The following ATR variants were observed in gnomAD, a reference collection of about 807,000 sequenced individuals.
ATR encodes serine/threonine-protein kinase ATR.
In ATR, 142 loss-of-function variants were observed where a neutral mutation model predicts 305.3. The ratio of observed to expected loss-of-function variants is 0.47; its 90% confidence interval spans 0.41 to 0.53. The LOEUF is 0.53. Ranked by LOEUF, ATR falls within the 20% of genes least tolerant of loss-of-function variation. The pLI is 0.00. For missense variants in ATR, 2,135 were observed against 3,133.1 expected (o/e 0.68, Z 7.60); for synonymous variants, 1,050 against 1,068.1 (o/e 0.98, Z 0.33).
chr3:142,466,208 T>C lies in ATR; in HGVS notation c.6897+116A>G, dbSNP rs1359463330. Reference sequence around the variant, plus strand: ...TAGTTTTACTCTTCTGTATTTCCAATTATTTTTCTTCACAAATAAGATTCA... The same window carrying C: ...TAGTTTTACTCTTCTGTATTTCCAACTATTTTTCTTCACAAATAAGATTCA... On this transcript the variant is annotated intron_variant, in intron 40 of 46. Transcript: ENST00000350721. The C allele has an allele frequency of 3.3e-6, 4 of 1,205,650 alleles. No homozygotes were observed. The African/African-American group carries it at 6.1e-5, about 18-fold the overall frequency. 74.7% of individuals were successfully genotyped at this position (1,205,650 alleles called of 1,614,324 possible).
chr3:142,543,125 G>A (rs1024933438), intron 16 of ATR, among the ~76,000 whole-genome samples: 2 of 152,194 alleles, frequency 1.3e-5, no homozygotes, highest in East Asian at 3.9e-4. Context: ...AGAAAGACAA[G>A]GGACTGCCCT....
At chr3:142,536,246 A>C (rs556037914) in intron 19 of ATR, 45 bp from the exon 20 acceptor site, 10 of 1,350,372 alleles carry the variant, frequency 7.4e-6, no homozygotes, top group South Asian at 4.8e-5. Context: ...CAAGAATATG[A>C]ATACTAAAAA....
chr3:142,525,505 T>C (rs1466481276), intron 21 of ATR, among the ~76,000 whole-genome samples: 1 of 152,186 alleles, frequency 6.6e-6, no homozygotes, highest in Non-Finnish European at 1.5e-5. Context: ...GAAATCGTTA[T>C]AACATCAACC....
intron 6 of ATR, 21 bp downstream of exon 6, chr3:142,560,242 G>T (rs1381898037): frequency 6.2e-7 from 1 of 1,608,178 alleles, no homozygotes; most frequent in African/African-American, 1.3e-5. Context: ...CCAACCCCAA[G>T]AAACAAGAAG....
chr3:142,553,975 A>G lies in ATR; in HGVS notation c.2382T>C (p.Asp794=), dbSNP rs1428773406. 1 of 1,610,216 alleles carries G rather than the reference A, an allele frequency of 6.2e-7. No individual in the cohort carries two copies. Among genetic ancestry groups the G allele is most frequent in the Non-Finnish European group, 8.5e-7 (1 of 1,178,390 alleles). Residue 794 remains aspartate, a synonymous_variant, in exon 11 of 47, where the codon GAT becomes GAC. Coordinates refer to ENST00000350721, the MANE Select transcript of ATR (RefSeq NM_001184.4). The part of the protein sequence containing the change: ...DNLHHLCKHL[D]FREDETDVKA... ...TTACATCTGTTTCATCTTCTCTAAA[A>G]TCAAGATGCTTACAAAGATGATGTA...
Position 142,480,595 on chromosome 3 carries a change from G to C in ATR, c.6221+4545C>G, listed in dbSNP as rs147197711. 3.7e-4 allele frequency among the ~76,000 whole-genome samples: 56 copies of C among 152,316 alleles called. 1 individual carries two copies. The highest frequency in any genetic ancestry group is 1.1e-3 in the African/African-American group (47 of 41,582). On this transcript the variant is annotated intron_variant, in intron 36 of 46. Coordinates refer to ENST00000350721, the MANE Select transcript of ATR (RefSeq NM_001184.4). ...GATCTCAAACTCCGTGCTGGGAGAA[G>C]CACTACTCTCTTCAAAGCTGTCAGA...
At chr3:142,536,316 A>T (rs2033859974) in intron 19 of ATR, 115 bp from the exon 20 acceptor site, 1 of 738,180 alleles carries the variant, frequency 1.4e-6, no homozygotes. Flanking sequence ...GTGCTAGTTG[A>T]TTACTGAGCT....
intron 46 of ATR, chr3:142,451,726 T>G (rs1452055912): frequency 4.3e-6 from 5 of 1,166,464 alleles, no homozygotes; most frequent in East Asian, 5.9e-5. Context: ...ACTACAGGAG[T>G]GTGCCACTGA....
At chr3:142,573,037 A>G (rs2035325499) in intron 1 of ATR, among the ~76,000 whole-genome samples, 1 of 152,216 alleles carries the variant, frequency 6.6e-6, no homozygotes, top group Non-Finnish European at 1.5e-5. Context: ...AAGCTCTTAT[A>G]GGAGAGAAAA....
chr3:142,499,412 AG>A (rs2031829157), intron 31 of ATR, among the ~76,000 whole-genome samples: 2 of 151,446 alleles, frequency 1.3e-5, no homozygotes, highest in African/African-American at 4.9e-5. Flanking sequence ...CTCCTGCCTC[AG>A]CCTCCCGAGT....
In ATR at chr3:142,562,279, T is replaced by C; in HGVS notation, c.1123A>G (p.Ile375Val). The C allele has an allele frequency of 6.2e-7, 1 of 1,614,118 alleles. No homozygotes were observed. The highest frequency in any genetic ancestry group is 8.5e-7 in the Non-Finnish European group (1 of 1,179,982). Residue 375 changes from isoleucine (I) to valine (V), a missense_variant, in exon 4 of 47, where the codon ATT becomes GTT. Ile to Val is a conservative substitution (Grantham distance 29). Around this residue, in one of 9 missense-constraint regions of ATR, gnomAD observed 744 missense variants for 873.2 expected, o/e 0.85. Transcript: ENST00000350721. ...AGCACATCCAAAAGAGCTTTACAAA[T>C]ATTTCTCACATAGACCTTCCTGACT... ...LQVRKVYVRN[I>V]CKALLDVLGI...
intron 29 of ATR, among the ~76,000 whole-genome samples, chr3:142,504,196 C>T (rs547696655): frequency 6.6e-6 from 1 of 152,266 alleles, no homozygotes; most frequent in East Asian, 1.9e-4. Flanking sequence ...ACAGCTTATT[C>T]CCATTACTAA....
intron 8 of ATR, among the ~76,000 whole-genome samples, chr3:142,557,755 C>T (rs2034724050): frequency 6.6e-6 from 1 of 152,164 alleles, no homozygotes; most frequent in Admixed American, 6.5e-5. Flanking sequence ...ATCTCAGCCT[C>T]CCTAGTAGCT....
Position 142,524,214 on chromosome 3 carries a change from GA to G in ATR, c.3946-16del. 1 of 1,593,520 alleles carries G rather than the reference GA, an allele frequency of 6.3e-7. No individual in the cohort carries two copies. Among genetic ancestry groups the G allele is most frequent in the Non-Finnish European group, 8.6e-7 (1 of 1,162,564 alleles). ...ATCAGTTTTTCCTAAAATAAAAGTAGAAAGAAAATTTATACGTAATTTCTAC... is the reference window on the plus strand; with the variant it reads ...ATCAGTTTTTCCTAAAATAAAAGTAGAAGAAAATTTATACGTAATTTCTAC... On this transcript the variant is annotated splice_polypyrimidine_tract_variant and intron_variant, in intron 21 of 46. Coordinates refer to ENST00000350721, the MANE Select transcript of ATR (RefSeq NM_001184.4).
At chr3:142,516,756 A>T (rs992731865) in intron 24 of ATR, among the ~76,000 whole-genome samples, 2 of 152,020 alleles carry the variant, frequency 1.3e-5, no homozygotes, top group Non-Finnish European at 2.9e-5. Flanking sequence ...CCCATTCCGG[A>T]TGCTCCTTGG....
rs1187843862 is a variant in ATR at position 142,496,427 on chromosome 3, G to A, written c.5832C>T (p.Leu1944=). The part of the protein sequence containing the change: ...AGHHQTAYNA[L]LNAGESRLAE... The stretch of plus-strand genomic sequence containing the variant: ...CGAGTCGTGATTCCCCTGCATTAAG[G>A]AGAGCATTGTAGGCTGTCTGGTGGT... The change falls in exon 34 of 47, where the codon CTC becomes CTT. Residue 1944 remains leucine (L), a synonymous_variant. Transcript: ENST00000350721. 2 of 1,610,222 alleles carry A rather than the reference G, an allele frequency of 1.2e-6. No individual in the cohort carries two copies. The highest frequency in any genetic ancestry group is 1.4e-5 in the African/African-American group (1 of 73,992).
chr3:142,470,494 T>C (rs1391966576), intron 36 of ATR, among the ~76,000 whole-genome samples: 1 of 152,136 alleles, frequency 6.6e-6, no homozygotes, highest in Non-Finnish European at 1.5e-5. Context: ...TCTCTGTGCC[T>C]TCATTTGCAT....
rs1456016630 is a variant in ATR, at chr3:142,562,228, T to C, written c.1170+4A>G. The C allele has an allele frequency of 5.0e-6, 8 of 1,614,024 alleles. No homozygotes were observed. Among genetic ancestry groups the C allele is most frequent in the Non-Finnish European group, 5.9e-6 (7 of 1,179,942 alleles). ...CTTAACTAGTAACCTGAAAAATTAC[T>C]TACCTCTGCATCTACCTCAATTCCA... On this transcript the variant is annotated splice_donor_region_variant and intron_variant, in intron 4 of 46. Coordinates refer to ENST00000350721, the MANE Select transcript of ATR (RefSeq NM_001184.4).
chr3:142,548,311 T>C (rs2034345970), intron 15 of ATR, among the ~76,000 whole-genome samples: 1 of 152,186 alleles, frequency 6.6e-6, no homozygotes. Flanking sequence ...TATGCTGACT[T>C]GGACAAGTTA....
Sources: gnomAD v4.1 joint callset for allele counts (sites outside exome capture counted in the v4.1 genomes callset) on GRCh38, gnomAD v4.1.1 for gene constraint, gnomAD v4.1.1 regional missense constraint, MANE v1.5 for transcripts, NCBI Gene and HGNC (gene_info 2026-07-23, HGNC 2026-07-21) for gene names.